Variants in STIMATE observed in about 807,000 individuals in gnomAD.
The protein encoded by STIMATE is STIM activating enhancer, also known as store-operated calcium entry regulator STIMATE.
A neutral mutation model predicts 36.7 loss-of-function variants in STIMATE; 15 were observed. The observed-to-expected ratio is 0.41, with a 90% CI of 0.27 to 0.63. The LOEUF is 0.63. Among genes scored for constraint, STIMATE ranks in the 20% least tolerant of loss-of-function variants. STIMATE has a pLI of 0.32. For missense variants in STIMATE, 305 were observed against 397.3 expected (o/e 0.77, Z 1.98); for synonymous variants, 163 against 162.3 (o/e 1.00, Z -0.03).
intron 1 of STIMATE, among the ~76,000 whole-genome samples, chr3:52,888,969 C>T (rs994980716): frequency 1.3e-5 from 2 of 152,196 alleles, no homozygotes; most frequent in African/African-American, 4.8e-5. Flanking sequence ...CCAATGTCCA[C>T]ACCATGAAAC....
At chr3:52,890,830 C>G (rs1233162910) in intron 1 of STIMATE, among the ~76,000 whole-genome samples, 3 of 152,196 alleles carry the variant, frequency 2.0e-5, no homozygotes, top group Non-Finnish European at 1.5e-5. Context: ...CCCTTCCTCA[C>G]CAGCGAGTAA....
intron 1 of STIMATE, among the ~76,000 whole-genome samples, chr3:52,862,399 C>G (rs1252287289): frequency 6.6e-6 from 1 of 152,226 alleles, no homozygotes; most frequent in African/African-American, 2.4e-5. Context: ...TGAGCACTTA[C>G]TCTGTGCTGG....
rs373954971 is a variant in STIMATE, at chr3:52,844,960, G to C, written c.428-19C>G. 4 of 1,611,534 alleles carry C rather than the reference G, an allele frequency of 2.5e-6. No homozygotes were observed. Among genetic ancestry groups the C allele is most frequent in the Non-Finnish European group, 2.5e-6 (3 of 1,178,510 alleles). On this transcript the variant is annotated intron_variant, in intron 4 of 7. Transcript: ENST00000355083. ...GGGTCTCCTGCAGGGACAGGCGGGT[G>C]CTTAGTCACATGGGGCCCAGGCATC...
chr3:52,836,792 G>A lies in STIMATE; in HGVS notation c.*3702C>T, dbSNP rs1700708651. 10 of 317,326 alleles carry A rather than the reference G, an allele frequency of 3.2e-5. No homozygotes were observed. Among genetic ancestry groups the A allele is most frequent in the South Asian group, 1.9e-4 (7 of 37,734 alleles). 19.7% of individuals were successfully genotyped at this position (317,326 alleles called of 1,614,324 possible). On this transcript the variant is annotated 3_prime_UTR_variant, in exon 8 of 8. Transcript: ENST00000355083. ...ACTTTATTGTAAACCATTTTACAAT[G>A]TAAGTACATCATCTTCTCTTTCATT...
chr3:52,855,755 C>T (rs6803519), intron 1 of STIMATE, among the ~76,000 whole-genome samples: 37,936 of 152,096 alleles, frequency 0.25, 4,999 homozygotes, highest in Admixed American at 0.38. Flanking sequence ...CAAAGCGGAA[C>T]GCAGCTGCTT....
At chr3:52,871,520 GCTTCCAATGCCAC>G (rs1701407212) in intron 1 of STIMATE, among the ~76,000 whole-genome samples, 1 of 152,162 alleles carries the variant, frequency 6.6e-6, no homozygotes, top group African/African-American at 2.4e-5. Flanking sequence ...GGCAGGGACA[GCTTCCAATGCCAC>G]CTTCTGTCAC....
intron 4 of STIMATE, chr3:52,847,545 T>G (rs1225503192): frequency 7.8e-7 from 1 of 1,289,746 alleles, no homozygotes; most frequent in East Asian, 5.6e-5. Flanking sequence ...ACTCTTGGCC[T>G]TCTCTTCTAG....
At chr3:52,872,656 C>T (rs1360808483) in intron 1 of STIMATE, among the ~76,000 whole-genome samples, 4 of 152,190 alleles carry the variant, frequency 2.6e-5, no homozygotes, top group South Asian at 2.1e-4. Flanking sequence ...GACGGAGTCT[C>T]GCTCTGTCGC....
intron 1 of STIMATE, among the ~76,000 whole-genome samples, chr3:52,889,585 C>G (rs1200401352): frequency 1.3e-5 from 2 of 152,200 alleles, no homozygotes; most frequent in African/African-American, 4.8e-5. Context: ...GACGGAGATA[C>G]TATCAGTCCC....
intron 1 of STIMATE, among the ~76,000 whole-genome samples, chr3:52,869,581 T>C (rs1340001892): frequency 6.6e-6 from 1 of 152,242 alleles, no homozygotes; most frequent in Non-Finnish European, 1.5e-5. Context: ...ATGCACATCT[T>C]TGGACAACAC....
In STIMATE at chr3:52,837,949, G is replaced by A. The variant is rs992139218; in HGVS notation, c.*2545C>T. The A allele has an allele frequency of 6.6e-6, 1 of 152,136 alleles. No homozygotes were observed. The highest frequency in any genetic ancestry group is 2.4e-5 in the African/African-American group (1 of 41,426). The allele number at this position is 152,136 out of a possible 1,614,324, so 9.4% of individuals were successfully genotyped here. ...ACGGAAGAGCCCCCAGTGACTGCAG[G>A]AGGCACTCCTGGGGATACAGATTTG... On this transcript the variant is annotated 3_prime_UTR_variant, in exon 8 of 8. Transcript: ENST00000355083.
At chr3:52,855,555 C>T (rs921508900) in intron 1 of STIMATE, 111 bp from the exon 2 acceptor site, 14 of 1,452,282 alleles carry the variant, frequency 9.6e-6, no homozygotes, top group Non-Finnish European at 1.3e-5. Context: ...CAAGGTAATA[C>T]ACACACTCTT....
intron 5 of STIMATE, 49 bp downstream of exon 5, chr3:52,844,780 C>T: frequency 8.1e-6 from 13 of 1,600,294 alleles, no homozygotes; most frequent in Non-Finnish European, 1.1e-5. Context: ...GGAGGAAGTG[C>T]TGCTTGCTCA....
At chr3:52,846,823 C>T (rs894190307) in intron 4 of STIMATE, among the ~76,000 whole-genome samples, 15 of 152,196 alleles carry the variant, frequency 9.9e-5, no homozygotes, top group South Asian at 2.1e-4. Context: ...GTTTCACTTG[C>T]GAGTCTTTCA....
At chr3:52,847,486 G>A (rs1319748746) in intron 4 of STIMATE, 11 of 1,289,548 alleles carry the variant, frequency 8.5e-6, no homozygotes, top group South Asian at 2.5e-5. Context: ...GGTCTCAACC[G>A]CCGGGGCTGT....
rs1222194789 is a variant in STIMATE, at chr3:52,837,515, C to T, written c.*2979G>A. Reference sequence around the variant, plus strand: ...AGCTGAGTGGACCAAGAAGCCACCACCACCTGGATCTCACTAACATCCCCC... The same window carrying T: ...AGCTGAGTGGACCAAGAAGCCACCATCACCTGGATCTCACTAACATCCCCC... On this transcript the variant is annotated 3_prime_UTR_variant, in exon 8 of 8. Transcript: ENST00000355083. 1 of 152,556 alleles carries T rather than the reference C, an allele frequency of 6.6e-6. No homozygotes were observed. Among genetic ancestry groups the T allele is most frequent in the African/African-American group, 2.4e-5 (1 of 41,462 alleles). 9.5% of individuals were successfully genotyped at this position (152,556 alleles called of 1,614,324 possible).
intron 4 of STIMATE, among the ~76,000 whole-genome samples, chr3:52,847,810 T>C (rs1209114675): frequency 2.0e-5 from 3 of 152,086 alleles, no homozygotes; most frequent in Non-Finnish European, 2.9e-5. Flanking sequence ...GTGTTCTGAG[T>C]GTCCAGGTGG....
At chr3:52,851,659 A>ATCCTT (rs1701000858) in intron 3 of STIMATE, among the ~76,000 whole-genome samples, 1 of 26,600 alleles carries the variant, frequency 3.8e-5, no homozygotes, top group Non-Finnish European at 1.1e-3. Flanking sequence ...CTGCTCTCAG[A>ATCCTT]TACTTTGTGT....
intron 2 of STIMATE, 127 bp downstream of exon 2, chr3:52,855,269 C>T: frequency 8.3e-7 from 1 of 1,202,804 alleles, no homozygotes; most frequent in Non-Finnish European, 1.2e-6. Flanking sequence ...ATTCCACATA[C>T]ATTATATTAT....
Sources: allele counts gnomAD v4.1 joint callset (sites outside exome capture counted in the v4.1 genomes callset), GRCh38; gene constraint gnomAD v4.1.1; transcripts MANE v1.5; gene names NCBI Gene and HGNC (gene_info 2026-07-23, HGNC 2026-07-21).